CNTN5: variants seen among roughly 807,000 people sequenced by gnomAD.
The protein encoded by CNTN5 is contactin 5, also known as contactin-5.
CNTN5 carries 77 observed loss-of-function variants against 129.1 expected under a neutral mutation model. That is an observed-to-expected ratio of 0.60 (90% CI 0.50 to 0.72). The LOEUF (loss-of-function observed/expected upper bound fraction) is 0.72. CNTN5 is among the 30% of genes least tolerant of loss of function. The probability of loss-of-function intolerance (pLI) is 0.00; values close to 1 mark genes in which losing one functional copy is unlikely to be tolerated. For synonymous variants in CNTN5, 509 were observed against 465.6 expected, an observed-to-expected ratio of 1.09 and a Z score of -1.20; for missense variants, 1,478 against 1,328.8, an observed-to-expected ratio of 1.11 and a Z score of -1.75.
intron 23 of CNTN5, among the ~76,000 whole-genome samples, chr11:100,342,367 A>G (rs1425999809): frequency 6.6e-6 from 1 of 152,138 alleles, no homozygotes; most frequent in East Asian, 1.9e-4. Context: ...GAGAAATATG[A>G]TAGACCATTC....
intron 8 of CNTN5, among the ~76,000 whole-genome samples, chr11:99,975,406 T>C (rs1250333300): frequency 2.0e-5 from 3 of 152,162 alleles, no homozygotes; most frequent in African/African-American, 7.2e-5. Flanking sequence ...TGTACCCATA[T>C]TGTGAGCTCT....
chr11:99,731,419 T>C (rs1943530452), intron 3 of CNTN5, among the ~76,000 whole-genome samples: 1 of 152,176 alleles, frequency 6.6e-6, no homozygotes, highest in South Asian at 2.1e-4. Context: ...GTTAACTCTC[T>C]TTGTCATGGA....
intron 3 of CNTN5, among the ~76,000 whole-genome samples, chr11:99,723,612 T>G (rs1362421663): frequency 6.6e-6 from 1 of 152,210 alleles, no homozygotes; most frequent in Non-Finnish European, 1.5e-5. Flanking sequence ...CATATTTTCC[T>G]TAAGAATTTG....
At chr11:99,712,049 A>G (rs573602099) in intron 3 of CNTN5, among the ~76,000 whole-genome samples, 1 of 152,080 alleles carries the variant, frequency 6.6e-6, no homozygotes, top group Non-Finnish European at 1.5e-5. Context: ...TTCTTAAGGA[A>G]TCACCACACT....
chr11:99,534,932 A>T (rs1376544808), intron 2 of CNTN5, among the ~76,000 whole-genome samples: 3 of 152,078 alleles, frequency 2.0e-5, no homozygotes, highest in African/African-American at 7.2e-5. Flanking sequence ...GTTGGAAAGG[A>T]GCTGGTTGTG....
In CNTN5 at chr11:99,885,040, T is replaced by TG. The variant is rs960405852; in HGVS notation, c.578-31007dup. Among the ~76,000 whole-genome samples, 67 of 152,150 alleles carry TG rather than the reference T, an allele frequency of 4.4e-4. 1 individual carries two copies. The highest frequency in any genetic ancestry group is 1.2e-3 in the African/African-American group (48 of 41,512). ...GCTCACACCTGTAATGACAGCACTC[T>TG]GGGGGGGTGAGGAGAGTGTATCACC... On this transcript the variant is annotated intron_variant, in intron 6 of 24. Coordinates refer to ENST00000524871, the MANE Select transcript of CNTN5 (RefSeq NM_014361.4).
chr11:99,350,894 T>C (rs951209732), intron 2 of CNTN5, among the ~76,000 whole-genome samples: 2 of 152,100 alleles, frequency 1.3e-5, no homozygotes, highest in Non-Finnish European at 2.9e-5. Context: ...AAATGGATTT[T>C]ACTAGCATTT....
chr11:99,560,357 A>G (rs1278369886), intron 3 of CNTN5, among the ~76,000 whole-genome samples: 1 of 151,510 alleles, frequency 6.6e-6, no homozygotes, highest in African/African-American at 2.4e-5. Flanking sequence ...CAGTGAAGCT[A>G]TCTCAGCTCA....
At chr11:99,628,651 C>CACAG (rs1555053387) in intron 3 of CNTN5, among the ~76,000 whole-genome samples, 6 of 138,434 alleles carry the variant, frequency 4.3e-5, no homozygotes, top group African/African-American at 1.6e-4. Context: ...CACACACACA[C>CACAG]AGAAAGAGAT....
intron 1 of CNTN5, among the ~76,000 whole-genome samples, chr11:99,127,946 A>G (rs1432799693): frequency 1.3e-5 from 2 of 152,190 alleles, no homozygotes; most frequent in African/African-American, 4.8e-5. Flanking sequence ...CTGGGCTTAG[A>G]AGGTGTTAAT....
At chr11:99,928,422 C>T (rs189938359) in intron 7 of CNTN5, among the ~76,000 whole-genome samples, 1 of 152,294 alleles carries the variant, frequency 6.6e-6, no homozygotes, top group East Asian at 1.9e-4. Context: ...GGGCTCTGTC[C>T]CTGCAGCAAG....
In CNTN5 at chr11:99,695,745, A is replaced by T. The variant is rs559519917; in HGVS notation, c.56-123799A>T. 1.3e-3 allele frequency among the ~76,000 whole-genome samples: 199 copies of T among 152,064 alleles called. 1 individual carries two copies. Among genetic ancestry groups the T allele is most frequent in the African/African-American group, 4.7e-3 (197 of 41,510 alleles). On this transcript the variant is annotated intron_variant, in intron 3 of 24. Coordinates refer to ENST00000524871, the MANE Select transcript of CNTN5 (RefSeq NM_014361.4). ...AATAAACAAATAAATAAATAGAAAG[A>T]AAGCGAAAAAATAAAACTCTGTAAA...
At chr11:99,570,083 A>G (rs192188364) in intron 3 of CNTN5, among the ~76,000 whole-genome samples, 227 of 151,912 alleles carry the variant, frequency 1.5e-3, no homozygotes, top group African/African-American at 4.9e-3. Flanking sequence ...ATTTTCACAC[A>G]TCACTGAGGC....
chr11:100,002,683 A>G (rs1043281121), intron 9 of CNTN5, among the ~76,000 whole-genome samples: 5 of 152,110 alleles, frequency 3.3e-5, no homozygotes, highest in African/African-American at 1.2e-4. Context: ...TCACATGCTA[A>G]TGCCTGCCAT....
intron 2 of CNTN5, among the ~76,000 whole-genome samples, chr11:99,471,149 T>A (rs377404871): frequency 3.4e-5 from 5 of 148,380 alleles, no homozygotes; most frequent in Admixed American, 6.8e-5. Context: ...GTAATGTTGC[T>A]AAAAAAAAAA....
At chr11:99,537,738 A>G (rs2135486648) in intron 2 of CNTN5, among the ~76,000 whole-genome samples, 1 of 152,272 alleles carries the variant, frequency 6.6e-6, no homozygotes, top group Non-Finnish European at 1.5e-5. Flanking sequence ...ACATCTAAGA[A>G]CCATGCCTGG....
At chr11:99,255,866 T>A (rs529925638) in intron 1 of CNTN5, among the ~76,000 whole-genome samples, 1 of 151,628 alleles carries the variant, frequency 6.6e-6, no homozygotes, top group African/African-American at 2.4e-5. Context: ...TTGGGTGCTC[T>A]TTCGTTTCTC....
At chr11:99,947,525 C>A (rs1256585512) in intron 7 of CNTN5, among the ~76,000 whole-genome samples, 1 of 151,734 alleles carries the variant, frequency 6.6e-6, no homozygotes, top group African/African-American at 2.4e-5. Context: ...ATTAGTTAAG[C>A]CATAAAAGCA....
intron 7 of CNTN5, among the ~76,000 whole-genome samples, chr11:99,918,553 C>T (rs369133973): frequency 2.0e-5 from 3 of 152,072 alleles, no homozygotes; most frequent in Non-Finnish European, 2.9e-5. Context: ...AAAGAGAAAG[C>T]AATTAGAAAA....
Sources: allele counts gnomAD v4.1 joint callset (sites outside exome capture counted in the v4.1 genomes callset), GRCh38; gene constraint gnomAD v4.1.1; transcripts MANE v1.5; gene names NCBI Gene and HGNC (gene_info 2026-07-23, HGNC 2026-07-21).